The following GNAI1 variants were observed in gnomAD, a reference collection of about 807,000 sequenced individuals.
GNAI1 encodes G protein subunit alpha i1, also known as guanine nucleotide-binding protein G(i) subunit alpha-1.
GNAI1 carries 11 observed loss-of-function variants against 38.9 expected under a neutral mutation model. That is an observed-to-expected ratio of 0.28 (90% CI 0.18 to 0.47). The LOEUF is 0.47. GNAI1 is among the 20% of genes least tolerant of loss of function. GNAI1 has a pLI of 0.99. For missense variants in GNAI1, 317 were observed against 436.9 expected (o/e 0.73, Z 2.45); for synonymous variants, 166 against 145.1 (o/e 1.14, Z -1.04).
intron 5 of GNAI1, among the ~76,000 whole-genome samples, chr7:80,205,625 G>C (rs1788761463): frequency 6.6e-6 from 1 of 151,574 alleles, no homozygotes. Context: ...GGAGTTTTTT[G>C]GTTTCTTTGT....
In GNAI1 at chr7:80,163,577, T is replaced by G. The variant is rs1787960517; in HGVS notation, c.119-25374T>G. ...TGAGTCCAAGTTCTGTGTTTTACAT[T>G]AAATTAAACATATGTGAAGATAGTT... On this transcript the variant is annotated intron_variant, in intron 1 of 7. Transcript: ENST00000649796. 2.6e-5 allele frequency among the ~76,000 whole-genome samples: 4 copies of G among 152,234 alleles called. No homozygotes were observed. The South Asian group carries it at 8.3e-4, about 31-fold the overall frequency.
chr7:80,172,132 T>C (rs190616205), intron 1 of GNAI1, among the ~76,000 whole-genome samples: 1 of 152,328 alleles, frequency 6.6e-6, no homozygotes, highest in East Asian at 1.9e-4. Flanking sequence ...TTTCTTAACG[T>C]TGTCCTGGCT....
intron 1 of GNAI1, among the ~76,000 whole-genome samples, chr7:80,160,179 C>T (rs1306694065): frequency 2.0e-5 from 3 of 149,324 alleles, no homozygotes. Flanking sequence ...GTAGCCTCTC[C>T]TCTAAGTTAG....
In GNAI1 at chr7:80,188,501, CTG is replaced by C. The variant is rs541222094; in HGVS notation, c.119-444_119-443del. Among the ~76,000 whole-genome samples, 576 of 152,132 alleles carry C rather than the reference CTG, an allele frequency of 3.8e-3. 17 individuals are homozygous for C. Among genetic ancestry groups the C allele is most frequent in the Admixed American group, 0.033 (502 of 15,276 alleles). On this transcript the variant is annotated intron_variant, in intron 1 of 7. Transcript: ENST00000649796. ...AGCAGACTTATTTCCCAGAACTTTT[CTG>C]TGTGTTTAGAAACCGATGAAGCTCA... is the stretch of plus-strand genomic sequence containing the variant.
intron 1 of GNAI1, among the ~76,000 whole-genome samples, chr7:80,144,739 T>A (rs989370304): frequency 6.6e-6 from 1 of 152,210 alleles, no homozygotes; most frequent in Non-Finnish European, 1.5e-5. Context: ...CTTACAGTTA[T>A]AATCAATATA....
intron 4 of GNAI1, among the ~76,000 whole-genome samples, chr7:80,200,299 C>G (rs1298156869): frequency 9.5e-6 from 1 of 105,820 alleles, no homozygotes; most frequent in East Asian, 3.3e-4. Context: ...GCACTCCAGC[C>G]TGGAGATGGA....
chr7:80,143,390 T>G (rs760874634), intron 1 of GNAI1, among the ~76,000 whole-genome samples: 6 of 152,208 alleles, frequency 3.9e-5, no homozygotes, highest in African/African-American at 1.4e-4. Flanking sequence ...ACTTTGGTTA[T>G]AAATCTGTCA....
chr7:80,134,882 G>A lies in GNAI1; in HGVS notation c.-279G>A, dbSNP rs933482450. 2 of 276,152 alleles carry A rather than the reference G, an allele frequency of 7.2e-6. No homozygotes were observed. Among genetic ancestry groups the A allele is most frequent in the East Asian group, 6.2e-5 (1 of 16,224 alleles). The allele number at this position is 276,152 out of a possible 1,614,324, so 17.1% of individuals were successfully genotyped here. A position where few individuals can be genotyped will look rare whatever the true frequency, so the allele number is the denominator to read the frequency against. On this transcript the variant is annotated 5_prime_UTR_variant, in exon 1 of 8. Coordinates refer to ENST00000649796, the MANE Select transcript of GNAI1 (RefSeq NM_002069.6). ...CGGCGCGGCCACCGGCGGGAGTGCA[G>A]CGGCCACTGTACCCAGAGATTCAAA... is the stretch of plus-strand genomic sequence containing the variant.
At position 80,212,853 on chromosome 7, in the gene GNAI1, C is replaced by T; in HGVS notation, c.858C>T (p.Cys286=). ...TCAAAAAGAGCCCTCTCACTATATG[C>T]TATCCAGAATATGCAGGTATTTTCC... The part of the protein sequence containing the change: ...EKIKKSPLTI[C]YPEYAGSNTY... The change falls in exon 7 of 8, where the codon TGC becomes TGT. Residue 286 remains cysteine (C), a synonymous_variant. Transcript: ENST00000649796. The T allele has an allele frequency of 6.4e-7, 1 of 1,572,692 alleles. No individual in the cohort carries two copies. The highest frequency in any genetic ancestry group is 8.6e-7 in the Non-Finnish European group (1 of 1,163,592).
At chr7:80,209,502 C>A (rs1473389611) in intron 5 of GNAI1, among the ~76,000 whole-genome samples, 1 of 152,118 alleles carries the variant, frequency 6.6e-6, no homozygotes, top group Non-Finnish European at 1.5e-5. Context: ...AGATGTTAAT[C>A]ATATCTATAA....
intron 1 of GNAI1, among the ~76,000 whole-genome samples, chr7:80,140,493 TCA>T (rs1787507711): frequency 6.6e-6 from 1 of 152,216 alleles, no homozygotes; most frequent in South Asian, 2.1e-4. Context: ...TACAACAAAT[TCA>T]CACAGGAAGA....
chr7:80,137,504 G>T (rs1787445704), intron 1 of GNAI1, among the ~76,000 whole-genome samples: 1 of 151,516 alleles, frequency 6.6e-6, no homozygotes, highest in African/African-American at 2.4e-5. Context: ...ATTTTTAGTA[G>T]AGACCGGGTT....
chr7:80,195,174 T>C (rs560135111), intron 3 of GNAI1, among the ~76,000 whole-genome samples: 1 of 151,820 alleles, frequency 6.6e-6, no homozygotes, highest in Non-Finnish European at 1.5e-5. Flanking sequence ...TGAAAAAATA[T>C]ATCTATACAT....
chr7:80,156,762 A>C (rs756506734), intron 1 of GNAI1, among the ~76,000 whole-genome samples: 2 of 152,134 alleles, frequency 1.3e-5, no homozygotes, highest in Non-Finnish European at 2.9e-5. Context: ...ATTGAAATGA[A>C]TCATTGCTTT....
intron 3 of GNAI1, among the ~76,000 whole-genome samples, chr7:80,193,548 G>A (rs1255978465): frequency 6.6e-6 from 1 of 152,148 alleles, no homozygotes; most frequent in Admixed American, 6.5e-5. Context: ...AGGTGATTAT[G>A]TTTCTAATGA....
chr7:80,163,353 A>G (rs1787955550), intron 1 of GNAI1, among the ~76,000 whole-genome samples: 1 of 152,144 alleles, frequency 6.6e-6, no homozygotes, highest in Middle Eastern at 3.2e-3. Context: ...TGTCTTCTGA[A>G]CAGTAATGAG....
chr7:80,150,136 C>T (rs1465413503), intron 1 of GNAI1, among the ~76,000 whole-genome samples: 2 of 152,114 alleles, frequency 1.3e-5, no homozygotes, highest in Non-Finnish European at 2.9e-5. Context: ...TTTATCAATA[C>T]TTAGTAAAGG....
chr7:80,220,730 A>T lies in GNAI1; in HGVS notation c.*3237A>T, dbSNP rs1028669675. Among the ~76,000 whole-genome samples the T allele has an allele frequency of 2.0e-5, 3 of 152,200 alleles. No homozygotes were observed. Among genetic ancestry groups the T allele is most frequent in the Non-Finnish European group, 2.9e-5 (2 of 68,032 alleles). Reference sequence around the variant, plus strand: ...GAATACTGACAGTAACTAGAGATCAAAAAAGGCTTAAAGAGGTTAATTAAC... The same window carrying T: ...GAATACTGACAGTAACTAGAGATCATAAAAGGCTTAAAGAGGTTAATTAAC... On this transcript the variant is annotated 3_prime_UTR_variant, in exon 8 of 8. Coordinates refer to ENST00000649796, the MANE Select transcript of GNAI1 (RefSeq NM_002069.6).
At chr7:80,192,798 G>A (rs948355617) in intron 3 of GNAI1, among the ~76,000 whole-genome samples, 5 of 151,930 alleles carry the variant, frequency 3.3e-5, no homozygotes, top group East Asian at 1.9e-4. Context: ...CTGGTTCAGC[G>A]ATTCTCCTGC....
Sources: allele counts gnomAD v4.1 joint callset (sites outside exome capture counted in the v4.1 genomes callset), GRCh38; gene constraint gnomAD v4.1.1; transcripts MANE v1.5; gene names NCBI Gene and HGNC (gene_info 2026-07-23, HGNC 2026-07-21).